The following SLC30A7 variants were observed in gnomAD, a reference collection of about 807,000 sequenced individuals.
SLC30A7 encodes zinc transporter 7.
Under a neutral mutation model 46.0 loss-of-function variants are expected in SLC30A7, and 35 were observed. That is an observed-to-expected ratio of 0.76 (90% CI 0.58 to 1.01). The LOEUF is 1.01. Among genes scored for constraint, SLC30A7 ranks in the 50% least tolerant of loss-of-function variants. The probability of loss-of-function intolerance (pLI) is 0.00; values close to 1 mark genes in which losing one functional copy is unlikely to be tolerated. For missense variants in SLC30A7, 464 were observed against 451.1 expected, an observed-to-expected ratio of 1.03 and a Z score of -0.26; for synonymous variants, 147 against 157.8, an observed-to-expected ratio of 0.93 and a Z score of 0.51.
intron 8 of SLC30A7, among the ~76,000 whole-genome samples, chr1:100,939,691 T>C (rs1030763292): frequency 7.4e-6 from 1 of 135,716 alleles, no homozygotes; most frequent in Admixed American, 7.3e-5. Context: ...AAAAAAAAAA[T>C]ACAAAAAATT....
chr1:100,918,069 C>T lies in SLC30A7; in HGVS notation c.656-8C>T, dbSNP rs549596587. On this transcript the variant is annotated splice_region_variant and splice_polypyrimidine_tract_variant and intron_variant, in intron 6 of 10. Transcript: ENST00000357650. ...AAACATGTTTTAAAATAACTTAATTCTCTACAGATGGCCCGTCCTTAAAAG... is the reference window on the plus strand; with the variant it reads ...AAACATGTTTTAAAATAACTTAATTTTCTACAGATGGCCCGTCCTTAAAAG... The T allele has an allele frequency of 6.2e-6, 10 of 1,608,886 alleles. No homozygotes were observed. The South Asian group carries it at 1.0e-4, about 16-fold the overall frequency.
chr1:100,932,988 T>TG (rs1653748825), intron 8 of SLC30A7, among the ~76,000 whole-genome samples: 1 of 150,914 alleles, frequency 6.6e-6, no homozygotes. Flanking sequence ...CTTTTTTTTT[T>TG]TTTTTTGAGA....
intron 6 of SLC30A7, among the ~76,000 whole-genome samples, chr1:100,914,264 A>T (rs1652323401): frequency 6.6e-6 from 1 of 152,168 alleles, no homozygotes; most frequent in South Asian, 2.1e-4. Context: ...GACAATAGTC[A>T]CTCTGTTGTG....
intron 3 of SLC30A7, among the ~76,000 whole-genome samples, chr1:100,908,320 G>GTCAAATA (rs894709653): frequency 2.0e-5 from 3 of 152,094 alleles, no homozygotes; most frequent in African/African-American, 7.2e-5. Context: ...GTCCATATGA[G>GTCAAATA]TCAAATACTT....
chr1:100,941,440 A>G (rs948281099), intron 8 of SLC30A7: 10 of 424,506 alleles, frequency 2.4e-5, no homozygotes, highest in South Asian at 9.8e-5. Flanking sequence ...CAGCTTCCCT[A>G]ATTTCACAAT....
intron 3 of SLC30A7, 95 bp from the exon 4 acceptor site, chr1:100,910,968 T>C: frequency 3.2e-6 from 3 of 947,894 alleles, no homozygotes; most frequent in Non-Finnish European, 4.9e-6. Flanking sequence ...TATAACCATG[T>C]AATATGGTTT....
intron 8 of SLC30A7, among the ~76,000 whole-genome samples, chr1:100,934,956 A>G (rs1653862075): frequency 6.6e-6 from 1 of 152,038 alleles, no homozygotes; most frequent in Admixed American, 6.6e-5. Context: ...TGATCACGCC[A>G]CTGCCACTGC....
chr1:100,914,124 A>G (rs2101021093), intron 6 of SLC30A7, among the ~76,000 whole-genome samples: 1 of 152,284 alleles, frequency 6.6e-6, no homozygotes, highest in African/African-American at 2.4e-5. Context: ...ACATTTTGGT[A>G]TAGGCATGTA....
chr1:100,912,473 T>G (rs1296741414), intron 5 of SLC30A7, among the ~76,000 whole-genome samples: 1 of 152,136 alleles, frequency 6.6e-6, no homozygotes, highest in Non-Finnish European at 1.5e-5. Context: ...TAGTGTGATA[T>G]CATTTATATA....
chr1:100,917,268 C>A (rs192260521), intron 6 of SLC30A7, among the ~76,000 whole-genome samples: 11 of 152,156 alleles, frequency 7.2e-5, no homozygotes, highest in African/African-American at 2.7e-4. Flanking sequence ...TACAGCAGTA[C>A]AATATCTAGA....
At position 100,942,092 on chromosome 1, in the gene SLC30A7, A is replaced by G. The variant is rs112784477; in HGVS notation, c.843-19736A>G. On this transcript the variant is annotated intron_variant, in intron 8 of 10. Transcript: ENST00000357650. ...TTAGAAGAGTAGTTTAGCTCAACGTATAAGGAAGAAATAGAAATTAAAACT... is the reference window on the plus strand; with the variant it reads ...TTAGAAGAGTAGTTTAGCTCAACGTGTAAGGAAGAAATAGAAATTAAAACT... 352 of 185,038 alleles carry G rather than the reference A, an allele frequency of 1.9e-3. 9 individuals carry two copies. The highest frequency in any genetic ancestry group is 0.017 in the Middle Eastern group (8 of 458). 11.5% of individuals were successfully genotyped at this position (185,038 alleles called of 1,614,324 possible). A position where few individuals can be genotyped will look rare whatever the true frequency, so the allele number is the denominator to read the frequency against.
chr1:100,918,178 G>A (rs1218178208), intron 7 of SLC30A7, 51 bp downstream of exon 7: 4 of 1,463,104 alleles, frequency 2.7e-6, no homozygotes, highest in Non-Finnish European at 3.8e-6. Context: ...TGCTTTTATA[G>A]TTTTGAAGTT....
intron 8 of SLC30A7, among the ~76,000 whole-genome samples, chr1:100,949,732 C>G (rs962115775): frequency 6.6e-6 from 1 of 152,180 alleles, no homozygotes; most frequent in Non-Finnish European, 1.5e-5. Context: ...GATGCCCCTC[C>G]CCCAGCCAGG....
At chr1:100,912,612 C>A (rs958654080) in intron 5 of SLC30A7, among the ~76,000 whole-genome samples, 2 of 152,036 alleles carry the variant, frequency 1.3e-5, no homozygotes, top group Non-Finnish European at 2.9e-5. Context: ...TCACTTGAAT[C>A]CAGGAGGTTG....
chr1:100,957,139 C>T (rs1359214748), intron 8 of SLC30A7, among the ~76,000 whole-genome samples: 1 of 152,186 alleles, frequency 6.6e-6, no homozygotes, highest in African/African-American at 2.4e-5. Flanking sequence ...TGTTCTAGTT[C>T]TCCTGCTTAA....
In SLC30A7 at chr1:100,978,754, T is replaced by C. The variant is rs2101110176; in HGVS notation, c.*3897T>C. 1.3e-5 allele frequency: 2 copies of C among 152,368 alleles called. No homozygotes were observed. The highest frequency in any genetic ancestry group is 4.1e-4 in the South Asian group (2 of 4,826). The allele number at this position is 152,368 out of a possible 1,614,324, so 9.4% of individuals were successfully genotyped here. Reference sequence around the variant, plus strand: ...AAGGCACTTTATAAATGGACTTTTATTGTCTCATTTTTCGTATATAATTAT... The same window carrying C: ...AAGGCACTTTATAAATGGACTTTTACTGTCTCATTTTTCGTATATAATTAT... On this transcript the variant is annotated 3_prime_UTR_variant, in exon 11 of 11. Transcript: ENST00000357650.
rs1163188389 is a variant in SLC30A7, at chr1:100,981,445, ATATGGCCAAGTTAG to A, written c.*6592_*6605del. 6.6e-6 allele frequency: 1 copy of A among 152,216 alleles called. No homozygotes were observed. Among genetic ancestry groups the A allele is most frequent in the African/African-American group, 2.4e-5 (1 of 41,470 alleles). 9.4% of individuals were successfully genotyped at this position (152,216 alleles called of 1,614,324 possible). On this transcript the variant is annotated 3_prime_UTR_variant, in exon 11 of 11. Transcript: ENST00000357650. Reference sequence around the variant, plus strand: ...TCCCTGCCTTTAGTGGTATTTAAACATATGGCCAAGTTAGTATTTGGGTTTGATTCCTTTGGTGA... The same window carrying A: ...TCCCTGCCTTTAGTGGTATTTAAACATATTTGGGTTTGATTCCTTTGGTGA...
intron 7 of SLC30A7, among the ~76,000 whole-genome samples, chr1:100,918,778 G>T (rs1418158723): frequency 6.6e-6 from 1 of 152,174 alleles, no homozygotes; most frequent in African/African-American, 2.4e-5. Flanking sequence ...CCACTGTAGA[G>T]TACAGTATCA....
chr1:100,924,110 A>G lies in SLC30A7; in HGVS notation c.842+2269A>G, dbSNP rs149443838. On this transcript the variant is annotated intron_variant, in intron 8 of 10. Transcript: ENST00000357650. ...TTCTGTCTCCCTCTAAACACATCACATTGGCTAAAATTATCTTTTGTTAAT... is the reference window on the plus strand; with the variant it reads ...TTCTGTCTCCCTCTAAACACATCACGTTGGCTAAAATTATCTTTTGTTAAT... Among the ~76,000 whole-genome samples, 1,218 of 152,266 alleles carry G rather than the reference A, an allele frequency of 8.0e-3. 13 individuals are homozygous for G. Among genetic ancestry groups the G allele is most frequent in the African/African-American group, 0.028 (1,155 of 41,534 alleles).
Sources: gnomAD v4.1 joint callset for allele counts (sites outside exome capture counted in the v4.1 genomes callset) on GRCh38, gnomAD v4.1.1 for gene constraint, MANE v1.5 for transcripts, NCBI Gene and HGNC (gene_info 2026-07-23, HGNC 2026-07-21) for gene names.